CNTNAP2: variants seen among roughly 807,000 people sequenced by gnomAD.
CNTNAP2 encodes the protein contactin associated protein 2.
Under a neutral mutation model 155.2 loss-of-function variants are expected in CNTNAP2, and 98 were observed. That is an observed-to-expected ratio of 0.63 (90% CI 0.54 to 0.75). The LOEUF (loss-of-function observed/expected upper bound fraction) is 0.75. Ranked by LOEUF, CNTNAP2 falls within the 30% of genes least tolerant of loss-of-function variation. The probability of loss-of-function intolerance (pLI) is 0.00; values close to 1 mark genes in which losing one functional copy is unlikely to be tolerated. For synonymous variants in CNTNAP2, 651 were observed against 631.2 expected (o/e 1.03, Z -0.47); for missense variants, 1,727 against 1,688.1 (o/e 1.02, Z -0.40).
chr7:146,413,610 T>A (rs1795896940), intron 1 of CNTNAP2, among the ~76,000 whole-genome samples: 1 of 152,104 alleles, frequency 6.6e-6, no homozygotes, highest in Non-Finnish European at 1.5e-5. Flanking sequence ...TCTTCCTCGT[T>A]CTCCTTTTCT....
chr7:148,361,505 C>T (rs1035455564), intron 21 of CNTNAP2, among the ~76,000 whole-genome samples: 1 of 152,114 alleles, frequency 6.6e-6, no homozygotes, highest in Non-Finnish European at 1.5e-5. Context: ...AACTGTTCTT[C>T]TCTTCCAGCT....
chr7:146,479,316 C>A (rs1796925337), intron 1 of CNTNAP2, among the ~76,000 whole-genome samples: 1 of 152,168 alleles, frequency 6.6e-6, no homozygotes, highest in Non-Finnish European at 1.5e-5. Context: ...ATAAACACAT[C>A]TCTTAAATTC....
intron 1 of CNTNAP2, among the ~76,000 whole-genome samples, chr7:146,227,703 T>A (rs1161755391): frequency 1.3e-5 from 2 of 152,174 alleles, no homozygotes; most frequent in East Asian, 3.9e-4. Flanking sequence ...AAGGACAAGC[T>A]GACAAAAGTT....
intron 13 of CNTNAP2, among the ~76,000 whole-genome samples, chr7:147,862,063 AT>A (rs1799144657): frequency 6.6e-6 from 1 of 151,136 alleles, no homozygotes; most frequent in African/African-American, 2.4e-5. Context: ...CCAATATGGT[AT>A]TTTGTGGTAA....
At chr7:147,157,956 G>A (rs1016780443) in intron 8 of CNTNAP2, among the ~76,000 whole-genome samples, 1 of 151,754 alleles carries the variant, frequency 6.6e-6, no homozygotes, top group Non-Finnish European at 1.5e-5. Context: ...TGATTTTTAA[G>A]GGATTTAATA....
chr7:146,696,063 G>C (rs1292149869), intron 1 of CNTNAP2, among the ~76,000 whole-genome samples: 2 of 152,078 alleles, frequency 1.3e-5, no homozygotes, highest in East Asian at 3.9e-4. Flanking sequence ...GAATGAGTTA[G>C]GAAGTATTCC....
intron 21 of CNTNAP2, among the ~76,000 whole-genome samples, chr7:148,322,797 G>GT (rs71899726): frequency 0.22 from 29,508 of 135,306 alleles, 3,186 homozygotes; most frequent in South Asian, 0.35. Context: ...GTTTTTTGGG[G>GT]TTTTTTTTTT....
chr7:146,641,713 G>A (rs1471060920), intron 1 of CNTNAP2, among the ~76,000 whole-genome samples: 1 of 152,140 alleles, frequency 6.6e-6, no homozygotes, highest in Non-Finnish European at 1.5e-5. Flanking sequence ...TCATGCAGGT[G>A]TTTCGGAGGA....
chr7:146,794,012 A>C (rs915858540), intron 2 of CNTNAP2, among the ~76,000 whole-genome samples: 1 of 152,196 alleles, frequency 6.6e-6, no homozygotes, highest in Non-Finnish European at 1.5e-5. Flanking sequence ...CGGGTTCTAG[A>C]GACAGCTGCT....
At chr7:148,209,261 CT>C (rs1266601587) in intron 18 of CNTNAP2, among the ~76,000 whole-genome samples, 1 of 151,140 alleles carries the variant, frequency 6.6e-6, no homozygotes, top group Non-Finnish European at 1.5e-5. Flanking sequence ...GGACTACAGG[CT>C]TGTGCCACCA....
chr7:147,048,896 T>C (rs890984944), intron 4 of CNTNAP2, among the ~76,000 whole-genome samples: 7 of 152,284 alleles, frequency 4.6e-5, no homozygotes, highest in African/African-American at 1.4e-4. Context: ...AAAAATTTAA[T>C]CATCCTGAAA....
At chr7:147,633,422 C>T (rs1584869370) in intron 12 of CNTNAP2, among the ~76,000 whole-genome samples, 1 of 152,154 alleles carries the variant, frequency 6.6e-6, no homozygotes, top group Admixed American at 6.5e-5. Context: ...GGGGTTGGAG[C>T]CCCCACACAA....
chr7:146,428,734 G>A (rs1229332310), intron 1 of CNTNAP2, among the ~76,000 whole-genome samples: 1 of 151,828 alleles, frequency 6.6e-6, no homozygotes, highest in East Asian at 1.9e-4. Flanking sequence ...CTTTTGCTGT[G>A]CAGAAGCTCT....
chr7:147,989,733 TC>T (rs1801678235), intron 15 of CNTNAP2, among the ~76,000 whole-genome samples: 1 of 152,194 alleles, frequency 6.6e-6, no homozygotes, highest in Non-Finnish European at 1.5e-5. Flanking sequence ...ACAATGTCCT[TC>T]CACATAAGCA....
At chr7:147,513,937 C>T (rs1799067579) in intron 11 of CNTNAP2, among the ~76,000 whole-genome samples, 1 of 152,172 alleles carries the variant, frequency 6.6e-6, no homozygotes, top group South Asian at 2.1e-4. Flanking sequence ...ACACACCCCT[C>T]CTTCCCCTCA....
intron 1 of CNTNAP2, among the ~76,000 whole-genome samples, chr7:146,423,568 G>T (rs1480471335): frequency 6.6e-6 from 1 of 152,128 alleles, no homozygotes; most frequent in Non-Finnish European, 1.5e-5. Context: ...CCAATTTTTA[G>T]CAGCCACCTG....
At chr7:146,989,112 A>T (rs1173423665) in intron 3 of CNTNAP2, among the ~76,000 whole-genome samples, 1 of 152,068 alleles carries the variant, frequency 6.6e-6, no homozygotes, top group East Asian at 1.9e-4. Context: ...TGATTCTGTT[A>T]CTGATTGGGT....
At chr7:146,125,640 T>C (rs1397415109) in intron 1 of CNTNAP2, among the ~76,000 whole-genome samples, 1 of 102,318 alleles carries the variant, frequency 9.8e-6, no homozygotes, top group Non-Finnish European at 2.1e-5. Context: ...TTGACAAAAA[T>C]AGTACCGTGT....
intron 1 of CNTNAP2, among the ~76,000 whole-genome samples, chr7:146,303,408 T>C (rs1007967378): frequency 6.6e-6 from 1 of 151,898 alleles, no homozygotes; most frequent in East Asian, 1.9e-4. Flanking sequence ...TTTTTAATTA[T>C]TGTAGTAAGC....
Sources: gnomAD v4.1 joint callset for allele counts (sites outside exome capture counted in the v4.1 genomes callset) on GRCh38, gnomAD v4.1.1 for gene constraint, MANE v1.5 for transcripts, NCBI Gene and HGNC (gene_info 2026-07-23, HGNC 2026-07-21) for gene names.